Variants in YES1 observed in about 807,000 individuals in gnomAD.
The protein encoded by YES1 is YES proto-oncogene 1, Src family tyrosine kinase, also known as tyrosine-protein kinase Yes.
A neutral mutation model predicts 70.4 loss-of-function variants in YES1; 39 were observed. The observed-to-expected ratio is 0.55, with a 90% CI of 0.43 to 0.72. The LOEUF is 0.72. Ranked by LOEUF, YES1 falls within the 30% of genes least tolerant of loss-of-function variation. YES1 has a pLI of 0.00. For missense variants in YES1, 495 were observed against 644.8 expected (o/e 0.77, Z 2.52); for synonymous variants, 198 against 218.6 (o/e 0.91, Z 0.83).
chr18:778,182 G>C lies in YES1; in HGVS notation c.-8-21347C>G, dbSNP rs1265209313. 1.8e-4 allele frequency among the ~76,000 whole-genome samples: 28 copies of C among 152,148 alleles called. 1 individual carries two copies. ...ATTACATGCCTTGCTCAAGGACAGG[G>C]GGCTAAAAGTAGGCAAAACTAGGAA... On this transcript the variant is annotated intron_variant, in intron 1 of 11. Coordinates refer to ENST00000314574, the MANE Select transcript of YES1 (RefSeq NM_005433.4).
intron 11 of YES1, among the ~76,000 whole-genome samples, chr18:727,702 C>T (rs1170972429): frequency 6.6e-6 from 1 of 152,138 alleles, no homozygotes; most frequent in Admixed American, 6.5e-5. Context: ...GAACGGTTTA[C>T]CTCTTATTCC....
chr18:728,969 G>A (rs2080053965), intron 11 of YES1, among the ~76,000 whole-genome samples: 2 of 152,064 alleles, frequency 1.3e-5, no homozygotes, highest in Admixed American at 1.3e-4. Flanking sequence ...TTAATCTGTG[G>A]GCTAGTATTT....
chr18:732,236 C>G (rs796926058), intron 11 of YES1, among the ~76,000 whole-genome samples: 70 of 151,662 alleles, frequency 4.6e-4, no homozygotes, highest in African/African-American at 1.7e-3. Flanking sequence ...GTCAGGAGTT[C>G]GAGACCAGCT....
intron 1 of YES1, among the ~76,000 whole-genome samples, chr18:779,443 AT>A (rs528165536): frequency 2.6e-5 from 4 of 151,718 alleles, no homozygotes; most frequent in Non-Finnish European, 5.9e-5. Context: ...GTATAGAATA[AT>A]TTTTTTTGTT....
At chr18:768,892 AG>A (rs2145773162) in intron 1 of YES1, among the ~76,000 whole-genome samples, 1 of 152,044 alleles carries the variant, frequency 6.6e-6, no homozygotes, top group African/African-American at 2.4e-5. Flanking sequence ...TAGTAGAGAC[AG>A]GGTTTCCCCA....
intron 1 of YES1, 135 bp from the exon 2 acceptor site, chr18:756,970 A>G: frequency 1.1e-6 from 1 of 907,626 alleles, no homozygotes; most frequent in Non-Finnish European, 1.6e-6. Flanking sequence ...AAAAAATAGA[A>G]AGCTGAAAAC....
At chr18:796,914 G>A (rs1046464590) in intron 1 of YES1, among the ~76,000 whole-genome samples, 13 of 151,612 alleles carry the variant, frequency 8.6e-5, no homozygotes, top group African/African-American at 3.1e-4. Flanking sequence ...TATCATCTGA[G>A]GAAAAAAAAA....
At chr18:737,754 C>CT (rs1414934052) in intron 9 of YES1, among the ~76,000 whole-genome samples, 3 of 152,216 alleles carry the variant, frequency 2.0e-5, no homozygotes, top group Non-Finnish European at 4.4e-5. Flanking sequence ...GGGTCTCACT[C>CT]TGTCACGCAG....
intron 1 of YES1, among the ~76,000 whole-genome samples, chr18:805,590 A>G (rs1038191590): frequency 2.0e-5 from 3 of 152,232 alleles, no homozygotes; most frequent in Admixed American, 6.5e-5. Flanking sequence ...GACCAAGGCT[A>G]AACAGCTCTT....
At chr18:742,650 T>G (rs913235657) in intron 8 of YES1, among the ~76,000 whole-genome samples, 4 of 152,202 alleles carry the variant, frequency 2.6e-5, no homozygotes, top group Non-Finnish European at 5.9e-5. Flanking sequence ...CACTTTCTAT[T>G]TTTCACCTTT....
At chr18:807,724 TAGCAAAATTCAGGC>T (rs1317107434) in intron 1 of YES1, among the ~76,000 whole-genome samples, 1 of 152,160 alleles carries the variant, frequency 6.6e-6, no homozygotes, top group Non-Finnish European at 1.5e-5. Flanking sequence ...GAGTTCCTAC[TAGCAAAATTCAGGC>T]AGCCACCACG....
chr18:739,674 A>G (rs995328613), intron 9 of YES1, 61 bp downstream of exon 9: 1 of 1,307,544 alleles, frequency 7.6e-7, no homozygotes, highest in African/African-American at 1.5e-5. Context: ...TTCTGGTAAG[A>G]TTATTCCACA....
chr18:771,834 G>GA (rs965380298), intron 1 of YES1, among the ~76,000 whole-genome samples: 4 of 151,994 alleles, frequency 2.6e-5, no homozygotes, highest in Non-Finnish European at 4.4e-5. Context: ...TGGCCTGGAA[G>GA]AAAAAATGTT....
chr18:730,583 C>A (rs1273235010), intron 11 of YES1, among the ~76,000 whole-genome samples: 4 of 152,146 alleles, frequency 2.6e-5, no homozygotes, highest in Non-Finnish European at 5.9e-5. Context: ...CAGATCCCAG[C>A]ACTAGGATCT....
In YES1 at chr18:776,458, A is replaced by G. The variant is rs142204837; in HGVS notation, c.-8-19623T>C. On this transcript the variant is annotated intron_variant, in intron 1 of 11. Transcript: ENST00000314574. ...TACTAATGAAGTGGCACCTTTACATATGTTTACCGGACATTATCTTTTGTG... is the reference window on the plus strand; with the variant it reads ...TACTAATGAAGTGGCACCTTTACATGTGTTTACCGGACATTATCTTTTGTG... Among the ~76,000 whole-genome samples, 388 of 152,148 alleles carry G rather than the reference A, an allele frequency of 2.6e-3. 1 individual carries two copies. The highest frequency in any genetic ancestry group is 4.4e-3 in the Non-Finnish European group (301 of 67,998).
At chr18:778,022 G>C (rs1330993908) in intron 1 of YES1, among the ~76,000 whole-genome samples, 1 of 152,070 alleles carries the variant, frequency 6.6e-6, no homozygotes, top group Non-Finnish European at 1.5e-5. Flanking sequence ...TTTACACTTT[G>C]ACAGTGCTTT....
In YES1 at chr18:810,838, G is replaced by A. The variant is rs557786508; in HGVS notation, c.-9+1276C>T. 1.2e-4 allele frequency among the ~76,000 whole-genome samples: 18 copies of A among 152,062 alleles called. 1 individual carries two copies. Among genetic ancestry groups the A allele is most frequent in the South Asian group, 1.0e-3 (5 of 4,814 alleles). On this transcript the variant is annotated intron_variant, in intron 1 of 11. Transcript: ENST00000314574. ...TTTGCTAAAGTAAAACTTTCTTACT[G>A]TACAATATATGAACATCGTAAGTGA...
At chr18:800,647 A>G (rs541384377) in intron 1 of YES1, among the ~76,000 whole-genome samples, 1 of 152,354 alleles carries the variant, frequency 6.6e-6, no homozygotes, top group South Asian at 2.1e-4. Context: ...TGGTGAAGAA[A>G]ATTATTGTTA....
At chr18:733,877 A>T (rs1056948141) in intron 10 of YES1, among the ~76,000 whole-genome samples, 1 of 151,320 alleles carries the variant, frequency 6.6e-6, no homozygotes, top group Non-Finnish European at 1.5e-5. Context: ...ACATTCTTTA[A>T]GTTATTTATA....
Sources: gnomAD v4.1 joint callset for allele counts (sites outside exome capture counted in the v4.1 genomes callset) on GRCh38, gnomAD v4.1.1 for gene constraint, MANE v1.5 for transcripts, NCBI Gene and HGNC (gene_info 2026-07-23, HGNC 2026-07-21) for gene names.